The following TAF2 variants were observed in gnomAD, a reference collection of about 807,000 sequenced individuals.
TAF2 encodes TATA-box binding protein associated factor 2.
Under a neutral mutation model 138.5 loss-of-function variants are expected in TAF2, and 61 were observed. The ratio of observed to expected loss-of-function variants is 0.44; its 90% confidence interval spans 0.36 to 0.54. The LOEUF is 0.54. Among genes scored for constraint, TAF2 ranks in the 20% least tolerant of loss-of-function variants. TAF2 has a pLI of 0.00. For synonymous variants in TAF2, 475 were observed against 469.9 expected, an observed-to-expected ratio of 1.01 and a Z score of -0.14; for missense variants, 1,090 against 1,427.9, an observed-to-expected ratio of 0.76 and a Z score of 3.81.
At chr8:119,798,396 A>G (rs1036363645) in intron 6 of TAF2, among the ~76,000 whole-genome samples, 2 of 152,156 alleles carry the variant, frequency 1.3e-5, no homozygotes, top group Non-Finnish European at 2.9e-5. Flanking sequence ...TTTTTTCATT[A>G]GGTTACATCT....
Position 119,777,012 on chromosome 8 carries a change from T to C in TAF2, c.2364+1007A>G, listed in dbSNP as rs1313530624. 2.0e-5 allele frequency among the ~76,000 whole-genome samples: 3 copies of C among 150,962 alleles called. No individual in the cohort carries two copies. In the East Asian group the frequency reaches 5.8e-4, roughly 29 times the overall value. The stretch of plus-strand genomic sequence containing the variant: ...AGAAAAAGGAAGGTTGTGTCTGTAC[T>C]GAACATGTATGGACTTTTTTCCTTG... On this transcript the variant is annotated intron_variant, in intron 18 of 25. Transcript: ENST00000378164.
At chr8:119,813,090 C>G (rs766477095) in intron 3 of TAF2, among the ~76,000 whole-genome samples, 1 of 152,166 alleles carries the variant, frequency 6.6e-6, no homozygotes, top group Non-Finnish European at 1.5e-5. Context: ...ACCATATCCA[C>G]GCCAACATCT....
At chr8:119,736,418 G>C (rs1480980295) in intron 25 of TAF2, among the ~76,000 whole-genome samples, 3 of 152,160 alleles carry the variant, frequency 2.0e-5, no homozygotes, top group African/African-American at 4.8e-5. Flanking sequence ...TAACTGCAAG[G>C]AAGTTAAAAT....
intron 19 of TAF2, among the ~76,000 whole-genome samples, chr8:119,761,401 A>G (rs1195623324): frequency 6.6e-6 from 1 of 152,232 alleles, no homozygotes; most frequent in Non-Finnish European, 1.5e-5. Flanking sequence ...AAAATTGCCT[A>G]AAGACTAATT....
At chr8:119,809,142 C>T (rs865943774) in intron 3 of TAF2, among the ~76,000 whole-genome samples, 1 of 152,232 alleles carries the variant, frequency 6.6e-6, no homozygotes, top group African/African-American at 2.4e-5. Context: ...TAGCAACCTT[C>T]ATCAAAAACC....
At chr8:119,811,181 T>C (rs1825028118) in intron 3 of TAF2, among the ~76,000 whole-genome samples, 1 of 152,294 alleles carries the variant, frequency 6.6e-6, no homozygotes, top group South Asian at 2.1e-4. Context: ...TAGAGAGATA[T>C]TGAAAAATTA....
rs878876832 is a variant in TAF2, at chr8:119,800,283, C to T, written c.792+1511G>A. 2.6e-5 allele frequency among the ~76,000 whole-genome samples: 4 copies of T among 152,306 alleles called. No homozygotes were observed. The South Asian group carries it at 8.3e-4, about 32-fold the overall frequency. Reference sequence around the variant, plus strand: ...AGGGTTTTTATAGTTTTAGGTCTAACATTTAAGTCTTTAATCCATCTTGAA... The same window carrying T: ...AGGGTTTTTATAGTTTTAGGTCTAATATTTAAGTCTTTAATCCATCTTGAA... On this transcript the variant is annotated intron_variant, in intron 6 of 25. Coordinates refer to ENST00000378164, the MANE Select transcript of TAF2 (RefSeq NM_003184.4).
In TAF2 at chr8:119,746,723, T is replaced by C. The variant is rs750942648; in HGVS notation, c.3090A>G (p.Leu1030=). ...AANNPSSHPQ[L]VGFQNPFSSS... ...TTCTTACAGGGTTCTGAAATCCAAC[T>C]AGCTGTGGGTGACTGCTTGGATTAT... is the stretch of plus-strand genomic sequence containing the variant. Residue 1030 remains leucine (L), a synonymous_variant, in exon 23 of 26, where the codon CTA becomes CTG. Transcript: ENST00000378164. 1.2e-5 allele frequency: 19 copies of C among 1,614,040 alleles called. No individual in the cohort carries two copies. The South Asian group carries it at 2.0e-4, about 17-fold the overall frequency.
chr8:119,769,400 C>A (rs1000380883), intron 18 of TAF2, among the ~76,000 whole-genome samples: 12 of 151,996 alleles, frequency 7.9e-5, no homozygotes, highest in African/African-American at 2.9e-4. Flanking sequence ...TCCAGCAACA[C>A]GAAGAAAGAG....
At chr8:119,789,276 C>T (rs998992794) in intron 12 of TAF2, among the ~76,000 whole-genome samples, 4 of 152,320 alleles carry the variant, frequency 2.6e-5, no homozygotes, top group African/African-American at 9.6e-5. Flanking sequence ...AGTAATCCTA[C>T]AGGTCTGTCT....
chr8:119,772,863 G>A (rs1010103902), intron 18 of TAF2, among the ~76,000 whole-genome samples: 1 of 151,356 alleles, frequency 6.6e-6, no homozygotes, highest in African/African-American at 2.4e-5. Context: ...CTTGAACCCA[G>A]GAGGTGGAGG....
chr8:119,809,447 T>A (rs1193883787), intron 3 of TAF2, among the ~76,000 whole-genome samples: 1 of 152,222 alleles, frequency 6.6e-6, no homozygotes, highest in Non-Finnish European at 1.5e-5. Flanking sequence ...CATTTTCTTA[T>A]CATTTGTGTA....
At position 119,832,542 on chromosome 8, in the gene TAF2, G is replaced by GA. The variant is rs1826531942; in HGVS notation, c.22_23insT (p.Pro8LeufsTer14). ...TCCTTTCTTCCTGTTCATTCTGGCG[G>GA]GCTCTACACCAGTCAGCGGCATGAA... On this transcript the variant is annotated frameshift_variant, in exon 1 of 26. Transcript: ENST00000378164. LOFTEE classifies it high-confidence loss of function. The GA allele has an allele frequency of 6.8e-5, 110 of 1,610,818 alleles. No homozygotes were observed. The highest frequency in any genetic ancestry group is 3.5e-4 in the Middle Eastern group (2 of 5,748).
chr8:119,755,192 C>A (rs556813144), intron 22 of TAF2, among the ~76,000 whole-genome samples: 1 of 152,302 alleles, frequency 6.6e-6, no homozygotes, highest in South Asian at 2.1e-4. Flanking sequence ...TACCTCTTGA[C>A]CTCACTCAAG....
intron 9 of TAF2, among the ~76,000 whole-genome samples, chr8:119,793,912 AGGGGGGGTT>A (rs1823627920): frequency 9.3e-6 from 1 of 107,912 alleles, no homozygotes; most frequent in Non-Finnish European, 1.9e-5. Flanking sequence ...AGAAAAAAAA[AGGGGGGGTT>A]GGGGGCAGTT....
At chr8:119,781,939 C>T (rs895459473) in intron 16 of TAF2, among the ~76,000 whole-genome samples, 1 of 152,072 alleles carries the variant, frequency 6.6e-6, no homozygotes, top group South Asian at 2.1e-4. Context: ...CCGCCTGCCT[C>T]GGACTCCCAA....
intron 18 of TAF2, among the ~76,000 whole-genome samples, chr8:119,770,215 C>T (rs1821734960): frequency 6.6e-6 from 1 of 151,746 alleles, no homozygotes; most frequent in East Asian, 1.9e-4. Flanking sequence ...TTTCCCCAAT[C>T]TCATTACAGT....
At chr8:119,743,014 A>G (rs1318419055) in intron 24 of TAF2, among the ~76,000 whole-genome samples, 1 of 152,090 alleles carries the variant, frequency 6.6e-6, no homozygotes, top group Non-Finnish European at 1.5e-5. Context: ...GGCTGCAGTT[A>G]GCAGAGATGG....
intron 18 of TAF2, among the ~76,000 whole-genome samples, chr8:119,775,449 T>C (rs778358077): frequency 2.6e-5 from 4 of 151,988 alleles, no homozygotes; most frequent in Non-Finnish European, 5.9e-5. Context: ...ACGCCTGTAA[T>C]CCTAGCACTT....
Sources: gnomAD v4.1 joint callset for allele counts (sites outside exome capture counted in the v4.1 genomes callset) on GRCh38, gnomAD v4.1.1 for gene constraint, MANE v1.5 for transcripts, NCBI Gene and HGNC (gene_info 2026-07-23, HGNC 2026-07-21) for gene names.